Variants in ANKMY1 observed in about 807,000 individuals in gnomAD.
ANKMY1 encodes ankyrin repeat and MYND domain-containing protein 1.
In ANKMY1, 98 loss-of-function variants were observed where a neutral mutation model predicts 102.0. The observed-to-expected ratio is 0.96, with a 90% CI of 0.82 to 1.14. ANKMY1 has a LOEUF of 1.14. Among genes scored for constraint, ANKMY1 ranks in the 50% most tolerant of loss-of-function variants. The pLI is 0.00. For synonymous variants in ANKMY1, 582 were observed against 559.9 expected, an observed-to-expected ratio of 1.04 and a Z score of -0.56; for missense variants, 1,330 against 1,347.6, an observed-to-expected ratio of 0.99 and a Z score of 0.20.
the ANKMY1 span, among the ~76,000 whole-genome samples, chr2:240,471,881 T>A: frequency 2.0e-5 from 3 of 152,162 alleles, no homozygotes; most frequent in Non-Finnish European, 2.9e-5. Flanking sequence ...ATGGCAGCCT[T>A]GTTTGGCTCT....
chr2:240,509,511 G>A (rs901500699), intron 11 of ANKMY1, 56 bp from the exon 12 acceptor site: 1 of 1,197,520 alleles, frequency 8.4e-7, no homozygotes. Context: ...AGCAGCACCT[G>A]ATGGTAGTCA....
Position 240,479,562 on chromosome 2 carries a change from C to T in ANKMY1, c.*47G>A. 2 of 1,606,708 alleles carry T rather than the reference C, an allele frequency of 1.2e-6. No homozygotes were observed. The highest frequency in any genetic ancestry group is 1.7e-6 in the Non-Finnish European group (2 of 1,174,086). On this transcript the variant is annotated 3_prime_UTR_variant, in exon 18 of 18. Transcript: ENST00000401804. ...AGGTGGCTCAGGCAGGTAAGAAACC[C>T]ACACAGTCCTGGGTCCTCCCCAAGC...
chr2:240,530,555 C>G (rs539763735), intron 4 of ANKMY1, among the ~76,000 whole-genome samples: 4 of 152,232 alleles, frequency 2.6e-5, no homozygotes, highest in Non-Finnish European at 5.9e-5. Flanking sequence ...CCCAGCCATG[C>G]TTCCTGTACA....
At chr2:240,540,434 T>G (rs566647782) in intron 4 of ANKMY1, among the ~76,000 whole-genome samples, 29 of 152,302 alleles carry the variant, frequency 1.9e-4, no homozygotes, top group Non-Finnish European at 3.2e-4. Context: ...AAACTTTGTT[T>G]TATGTGCTTC....
At chr2:240,476,678 C>T (rs920318636), downstream of ANKMY1, among the ~76,000 whole-genome samples, 11 of 152,190 alleles carry the variant, frequency 7.2e-5, no homozygotes, top group Non-Finnish European at 8.8e-5. Flanking sequence ...TACTCGATCA[C>T]GCCCATTGTT....
chr2:240,468,912 G>A, the ANKMY1 span, among the ~76,000 whole-genome samples: 3 of 152,310 alleles, frequency 2.0e-5, no homozygotes, highest in East Asian at 5.8e-4. Context: ...CAAAGCATCT[G>A]CAGCCGCCAG....
At position 240,482,279 on chromosome 2, in the gene ANKMY1, C is replaced by A. The variant is rs1374230757; in HGVS notation, c.2807-18G>T. The A allele has an allele frequency of 6.2e-7, 1 of 1,606,254 alleles. No homozygotes were observed. The highest frequency in any genetic ancestry group is 1.7e-5 in the Admixed American group (1 of 58,356). ...CAGCTCCGCTGCATGAGAGAGGGTC[C>A]CGCATTAGTACCCACGTGGCAGGGT... On this transcript the variant is annotated intron_variant, in intron 15 of 17. Transcript: ENST00000401804.
chr2:240,525,868 G>A lies in ANKMY1; in HGVS notation c.1171-19C>T, dbSNP rs368562340. 3.7e-6 allele frequency: 6 copies of A among 1,612,092 alleles called. No individual in the cohort carries two copies. The African/African-American group carries it at 8.0e-5, about 22-fold the overall frequency. ...AGTGAGTCTGGAGGGAGATGAGGCA[G>A]GACTCAGGATGATGCACCTGGCCCT... On this transcript the variant is annotated intron_variant, in intron 6 of 17. Coordinates refer to ENST00000401804, the MANE Select transcript of ANKMY1 (RefSeq NM_001282771.3).
chr2:240,509,784 TGGCA>T (rs2079782416), intron 11 of ANKMY1, among the ~76,000 whole-genome samples: 1 of 152,134 alleles, frequency 6.6e-6, no homozygotes, highest in Admixed American at 6.5e-5. Context: ...CATGACCACG[TGGCA>T]GGTCCTGGCA....
At chr2:240,540,904 G>A (rs772783206) in intron 4 of ANKMY1, among the ~76,000 whole-genome samples, 6 of 152,308 alleles carry the variant, frequency 3.9e-5, no homozygotes, top group Middle Eastern at 3.4e-3. Flanking sequence ...GAGAGTCTCC[G>A]TCTCTCTCTG....
At position 240,490,631 on chromosome 2, in the gene ANKMY1, A is replaced by G. The variant is rs567741295; in HGVS notation, c.2807-8370T>C. ...TAAATAGTAGAAATTATGCATTTGTATAGTTTACAGAGTTCTTCTTGGTAC... is the reference window on the plus strand; with the variant it reads ...TAAATAGTAGAAATTATGCATTTGTGTAGTTTACAGAGTTCTTCTTGGTAC... On this transcript the variant is annotated intron_variant, in intron 15 of 17. Transcript: ENST00000401804. 5.9e-5 allele frequency among the ~76,000 whole-genome samples: 9 copies of G among 152,218 alleles called. No homozygotes were observed. In the South Asian group the frequency reaches 1.9e-3, roughly 32 times the overall value.
chr2:240,479,169 C>T (rs899574784), downstream of ANKMY1, among the ~76,000 whole-genome samples: 5 of 152,232 alleles, frequency 3.3e-5, no homozygotes, highest in African/African-American at 1.2e-4. Flanking sequence ...CCATGGGCAC[C>T]TGAGCAGGGA....
chr2:240,500,096 G>T lies in ANKMY1; in HGVS notation c.2668C>A (p.His890Asn). 6.2e-7 allele frequency: 1 copy of T among 1,608,764 alleles called. No individual in the cohort carries two copies. Among genetic ancestry groups the T allele is most frequent in the Non-Finnish European group, 8.5e-7 (1 of 1,177,904 alleles). The change falls in exon 15 of 18, where the codon CAC becomes AAC. Residue 890 changes from histidine to asparagine, a missense_variant. By Grantham distance (68) the His-to-Asn change is moderately conservative. Coordinates refer to ENST00000401804, the MANE Select transcript of ANKMY1 (RefSeq NM_001282771.3). ...TCGCGCTCTGCTGGCATCAGCGTGT[G>T]GAAGGGGCAGCGGGCAATCCTCCGG... ...QDRRIARCPF[H>N]TLMPAERETF... is the part of the protein sequence containing the mutation.
intron 9 of ANKMY1, among the ~76,000 whole-genome samples, chr2:240,515,161 A>G (rs924981299): frequency 6.6e-6 from 1 of 152,216 alleles, no homozygotes; most frequent in African/African-American, 2.4e-5. Context: ...ATTAATATCA[A>G]AAGTACGTGG....
In ANKMY1 at chr2:240,529,708, G is replaced by A. The variant is rs1304643663; in HGVS notation, c.481-199C>T. 6.6e-6 allele frequency among the ~76,000 whole-genome samples: 1 copy of A among 152,232 alleles called. No individual in the cohort carries two copies. The highest frequency in any genetic ancestry group is 1.5e-5 in the Non-Finnish European group (1 of 68,038). ...ACCAGCTCTCCCGAGGAACAGGAAG[G>A]AGGGCACTCCAGAGAGTGCATGGAG... On this transcript the variant is annotated intron_variant, in intron 4 of 17. Transcript: ENST00000401804. The surrounding 1 kb of genome is among the most constrained non-coding windows in gnomAD (Gnocchi z 4.2).
At position 240,500,268 on chromosome 2, in the gene ANKMY1, T is replaced by C. The variant is rs114628392; in HGVS notation, c.2641-145A>G. Reference sequence around the variant, plus strand: ...ACAGACACACAAAGCTGGGAGCACATACAGCTGCACCTGGCATGAGCTCAG... The same window carrying C: ...ACAGACACACAAAGCTGGGAGCACACACAGCTGCACCTGGCATGAGCTCAG... On this transcript the variant is annotated intron_variant, in intron 14 of 17. Coordinates refer to ENST00000401804, the MANE Select transcript of ANKMY1 (RefSeq NM_001282771.3). 922 of 1,213,784 alleles carry C rather than the reference T, an allele frequency of 7.6e-4. 9 individuals carry two copies. In the African/African-American group the frequency reaches 0.013, roughly 17 times the overall value. The allele number at this position is 1,213,784 out of a possible 1,614,324, so 75.2% of individuals were successfully genotyped here. A position where few individuals can be genotyped will look rare whatever the true frequency, so the allele number is the denominator to read the frequency against.
rs1287691862 is a variant in ANKMY1, at chr2:240,520,014, G to A, written c.2004+348C>T. 7.8e-6 allele frequency: 4 copies of A among 515,354 alleles called. No homozygotes were observed. In the East Asian group the frequency reaches 1.6e-4, roughly 20 times the overall value. 31.9% of individuals were successfully genotyped at this position (515,354 alleles called of 1,614,324 possible). A position where few individuals can be genotyped will look rare whatever the true frequency, so the allele number is the denominator to read the frequency against. ...CTCCTGCCTGCGTCCTTGTGATGCT[G>A]AGCGTGGGTTGAAAGGAGGCCCGCC... On this transcript the variant is annotated intron_variant, in intron 9 of 17. Transcript: ENST00000401804. This position sits in a 1 kb window ranked among gnomAD's most constrained non-coding sequence, Gnocchi z 4.8.
chr2:240,558,228 T>C (rs2092631266), upstream of ANKMY1: 1 of 152,416 alleles, frequency 6.6e-6, no homozygotes, highest in South Asian at 2.1e-4. Flanking sequence ...AACACTCCCG[T>C]GATGGGGGCA....
upstream of ANKMY1, chr2:240,558,166 C>T (rs10173382): frequency 0.015 from 2,552 of 168,096 alleles, 68 homozygotes; most frequent in African/African-American, 0.057. Flanking sequence ...CCCGCTTACC[C>T]GGTCAGCCCC....
Sources: allele counts gnomAD v4.1 joint callset (sites outside exome capture counted in the v4.1 genomes callset), GRCh38; gene constraint gnomAD v4.1.1; non-coding constraint Gnocchi (gnomAD v3.1); transcripts MANE v1.5; gene names NCBI Gene and HGNC (gene_info 2026-07-23, HGNC 2026-07-21).